PTPRC: variants seen among roughly 807,000 people sequenced by gnomAD.
The protein encoded by PTPRC is protein tyrosine phosphatase receptor type C.
Under a neutral mutation model 155.9 loss-of-function variants are expected in PTPRC, and 44 were observed. That is an observed-to-expected ratio of 0.28 (90% CI 0.22 to 0.36). PTPRC has a LOEUF of 0.36. PTPRC is among the 10% of genes least tolerant of loss of function. The probability of loss-of-function intolerance (pLI) is 1.00; values close to 1 mark genes in which losing one functional copy is unlikely to be tolerated. For missense variants in PTPRC, 1,401 were observed against 1,564.6 expected (o/e 0.90, Z 1.76); for synonymous variants, 525 against 533.1 (o/e 0.98, Z 0.21).
intron 2 of PTPRC, among the ~76,000 whole-genome samples, chr1:198,675,181 A>T (rs537778972): frequency 6.6e-6 from 1 of 152,238 alleles, no homozygotes; most frequent in Non-Finnish European, 1.5e-5. Flanking sequence ...GAAAAAAATG[A>T]CTCTATTTTT....
intron 2 of PTPRC, among the ~76,000 whole-genome samples, chr1:198,682,766 C>T (rs1665412140): frequency 6.6e-6 from 1 of 152,134 alleles, no homozygotes; most frequent in South Asian, 2.1e-4. Flanking sequence ...GAAGGACAGA[C>T]AAGTTCATGC....
intron 24 of PTPRC, 25 bp downstream of exon 24, chr1:198,742,051 A>AAC: frequency 6.2e-7 from 1 of 1,606,878 alleles, no homozygotes; most frequent in Non-Finnish European, 8.5e-7. Flanking sequence ...CAAAAAAAAA[A>AAC]AACAACAACA....
chr1:198,639,120 A>G lies in PTPRC; in HGVS notation c.-61A>G. On this transcript the variant is annotated 5_prime_UTR_variant, in exon 1 of 33. Transcript: ENST00000442510. Reference sequence around the variant, plus strand: ...AGAGGAGGAAATTGTTCCTCGTCTGATAAGACAACAGTGGAGAGTATGCAT... The same window carrying G: ...AGAGGAGGAAATTGTTCCTCGTCTGGTAAGACAACAGTGGAGAGTATGCAT... 1 of 699,538 alleles carries G rather than the reference A, an allele frequency of 1.4e-6. No individual in the cohort carries two copies. Among genetic ancestry groups the G allele is most frequent in the South Asian group, 1.6e-5 (1 of 64,496 alleles). 43.3% of individuals were successfully genotyped at this position (699,538 alleles called of 1,614,324 possible).
chr1:198,671,577 A>T (rs538982303), intron 2 of PTPRC, among the ~76,000 whole-genome samples: 1 of 152,326 alleles, frequency 6.6e-6, no homozygotes, highest in African/African-American at 2.4e-5. Context: ...TGACTTCTAC[A>T]TCTATAGCTC....
chr1:198,665,961 T>A (rs1267783569), intron 2 of PTPRC, among the ~76,000 whole-genome samples: 2 of 152,118 alleles, frequency 1.3e-5, no homozygotes, highest in African/African-American at 4.8e-5. Flanking sequence ...CATCATTCAA[T>A]ATGCTCAAAT....
chr1:198,752,361 G>A lies in PTPRC; in HGVS notation c.3320G>A (p.Arg1107Lys), dbSNP rs769853264. 2 of 1,612,566 alleles carry A rather than the reference G, an allele frequency of 1.2e-6. No homozygotes were observed. Among genetic ancestry groups the A allele is most frequent in the Non-Finnish European group, 1.7e-6 (2 of 1,179,258 alleles). The change falls in exon 30 of 33, where the codon AGA becomes AAA. Residue 1107 changes from arginine to lysine, a missense_variant. Arg to Lys is a conservative substitution (Grantham distance 26). Coordinates refer to ENST00000442510, the MANE Select transcript of PTPRC (RefSeq NM_002838.5). Reference sequence around the variant, plus strand: ...TATACCCTTCGTGTCTTTGAACTGAGACATTCCAAGGTATGGAAACAATTT... The same window carrying A: ...TATACCCTTCGTGTCTTTGAACTGAAACATTCCAAGGTATGGAAACAATTT... Reference protein sequence around the residue: ...STYTLRVFELRHSKRKDSRTV... With the variant: ...STYTLRVFELKHSKRKDSRTV...
At chr1:198,652,856 G>C (rs777380096) in intron 2 of PTPRC, among the ~76,000 whole-genome samples, 2 of 151,818 alleles carry the variant, frequency 1.3e-5, no homozygotes, top group Non-Finnish European at 1.5e-5. Context: ...AAAAGATGGT[G>C]TTATGTCAAG....
chr1:198,704,731 G>A (rs1325145156), intron 8 of PTPRC, among the ~76,000 whole-genome samples: 1 of 152,178 alleles, frequency 6.6e-6, no homozygotes, highest in Non-Finnish European at 1.5e-5. Flanking sequence ...GAAGACAAGG[G>A]TTGGGAAACT....
intron 15 of PTPRC, among the ~76,000 whole-genome samples, chr1:198,723,186 G>C (rs1175426857): frequency 6.6e-6 from 1 of 151,280 alleles, no homozygotes; most frequent in African/African-American, 2.4e-5. Flanking sequence ...CAATTGATCT[G>C]AGCCTATGGA....
chr1:198,683,786 T>C (rs771084528), intron 2 of PTPRC, among the ~76,000 whole-genome samples: 2 of 152,212 alleles, frequency 1.3e-5, no homozygotes, highest in East Asian at 1.9e-4. Context: ...TAATACTGGT[T>C]ACACACACAT....
intron 23 of PTPRC, among the ~76,000 whole-genome samples, chr1:198,737,507 T>C (rs2102500325): frequency 6.6e-6 from 1 of 151,726 alleles, no homozygotes; most frequent in Non-Finnish European, 1.5e-5. Flanking sequence ...ACTGTAGAGT[T>C]GTTTCATTGC....
chr1:198,667,657 T>C (rs755646565), intron 2 of PTPRC, among the ~76,000 whole-genome samples: 2 of 152,216 alleles, frequency 1.3e-5, no homozygotes, highest in Non-Finnish European at 2.9e-5. Context: ...AGTAAGAATA[T>C]AGAAAAGAAA....
At chr1:198,722,521 T>A in intron 15 of PTPRC, 45 bp downstream of exon 15, 4 of 1,081,330 alleles carry the variant, frequency 3.7e-6, no homozygotes, top group Non-Finnish European at 3.7e-6. Flanking sequence ...AAGATATATA[T>A]TAATGCTTAT....
At chr1:198,689,103 A>T (rs906428547) in intron 2 of PTPRC, among the ~76,000 whole-genome samples, 2 of 152,206 alleles carry the variant, frequency 1.3e-5, no homozygotes, top group African/African-American at 4.8e-5. Context: ...ATCATTAGAA[A>T]CAGTCTTCTC....
chr1:198,740,366 T>A (rs947114293), intron 23 of PTPRC, among the ~76,000 whole-genome samples: 12 of 151,786 alleles, frequency 7.9e-5, no homozygotes, highest in Non-Finnish European at 1.3e-4. Context: ...TCATTTGAGG[T>A]CAGGAGTTTG....
rs997531148 is a variant in PTPRC, at chr1:198,694,897, C to G, written c.101-1815C>G. ...ACTAGAGGTAGTTACTATCCTATTA[C>G]TGTACTTAGTTGGCTATGCTGGCAT... is the stretch of plus-strand genomic sequence containing the variant. On this transcript the variant is annotated intron_variant, in intron 3 of 32. Coordinates refer to ENST00000442510, the MANE Select transcript of PTPRC (RefSeq NM_002838.5). The G allele has an allele frequency of 4.0e-5, 39 of 968,786 alleles. No individual in the cohort carries two copies. In the South Asian group the frequency reaches 8.1e-4, roughly 20 times the overall value. The allele number at this position is 968,786 out of a possible 1,614,324, so 60.0% of individuals were successfully genotyped here.
chr1:198,704,365 A>G (rs1666618881), intron 7 of PTPRC, 107 bp from the exon 8 acceptor site: 1 of 1,564,368 alleles, frequency 6.4e-7, no homozygotes, highest in Admixed American at 1.8e-5. Flanking sequence ...ATCTAACTAG[A>G]TAGACTTTAT....
chr1:198,734,346 T>C lies in PTPRC; in HGVS notation c.2198T>C (p.Val733Ala), dbSNP rs770916216. 4.2e-5 allele frequency: 67 copies of C among 1,611,264 alleles called. No homozygotes were observed. The highest frequency in any genetic ancestry group is 5.7e-5 in the Non-Finnish European group (67 of 1,177,964). The change falls in exon 22 of 33, where the codon GTT becomes GCT. Residue 733 changes from valine to alanine, a missense_variant. By Grantham distance (64) the Val-to-Ala change is moderately conservative. Transcript: ENST00000442510. ...IAAQGPRDET[V>A]DDFWRMIWEQ... is the part of the protein sequence containing the mutation. Reference sequence around the variant, plus strand: ...CTCCTAGGTCCCAGGGATGAAACTGTTGATGATTTCTGGAGGATGATTTGG... The same window carrying C: ...CTCCTAGGTCCCAGGGATGAAACTGCTGATGATTTCTGGAGGATGATTTGG...
At chr1:198,741,401 G>A (rs1029423354) in intron 23 of PTPRC, among the ~76,000 whole-genome samples, 4 of 151,806 alleles carry the variant, frequency 2.6e-5, no homozygotes, top group African/African-American at 9.7e-5. Flanking sequence ...GCTCACATAT[G>A]AATTAGTTCT....
Sources: allele counts gnomAD v4.1 joint callset (sites outside exome capture counted in the v4.1 genomes callset), GRCh38; gene constraint gnomAD v4.1.1; transcripts MANE v1.5; gene names NCBI Gene and HGNC (gene_info 2026-07-23, HGNC 2026-07-21).